Variants in FER1L6 observed in about 807,000 individuals in gnomAD.
FER1L6 encodes fer-1 like family member 6, also known as fer-1-like protein 6.
FER1L6 carries 177 observed loss-of-function variants against 219.2 expected under a neutral mutation model. That is an observed-to-expected ratio of 0.81 (90% CI 0.71 to 0.91). FER1L6 has a LOEUF of 0.91. Ranked by LOEUF, FER1L6 falls within the 40% of genes least tolerant of loss-of-function variation. The pLI is 0.00. For synonymous variants in FER1L6, 768 were observed against 824.3 expected, an observed-to-expected ratio of 0.93 and a Z score of 1.17; for missense variants, 2,153 against 2,259.9, an observed-to-expected ratio of 0.95 and a Z score of 0.96.
rs764708064 is a variant in FER1L6 at position 124,091,410 on chromosome 8, C to A, written c.4392-13C>A. ...GTGAGGACCTCAAAGTGTGTTCTCC[C>A]TCCACTTTTCAGAGAAGGATACAAT... On this transcript the variant is annotated splice_polypyrimidine_tract_variant and intron_variant, in intron 33 of 40. Transcript: ENST00000522917. 1 of 1,611,708 alleles carries A rather than the reference C, an allele frequency of 6.2e-7. No individual in the cohort carries two copies. The highest frequency in any genetic ancestry group is 1.1e-5 in the South Asian group (1 of 90,772).
chr8:124,076,505 C>T (rs957534001), intron 32 of FER1L6, among the ~76,000 whole-genome samples, 180 bp downstream of exon 32: 1 of 152,218 alleles, frequency 6.6e-6, no homozygotes, highest in Non-Finnish European at 1.5e-5. Flanking sequence ...GGGTTGAATT[C>T]TTTCATGGTC....
chr8:124,017,344 T>G (rs576088889), intron 15 of FER1L6, among the ~76,000 whole-genome samples: 3 of 152,082 alleles, frequency 2.0e-5, no homozygotes, highest in Admixed American at 2.0e-4. Context: ...ATTTTGTGGG[T>G]TTTGTTATGA....
chr8:123,963,717 C>G (rs1408289371), intron 3 of FER1L6, among the ~76,000 whole-genome samples: 2 of 152,190 alleles, frequency 1.3e-5, no homozygotes, highest in East Asian at 3.9e-4. Context: ...TTTGATTCAT[C>G]AAGGTGCTCA....
At chr8:124,045,711 G>C (rs930526617) in intron 20 of FER1L6, 56 bp from the exon 21 acceptor site, 63 of 1,588,910 alleles carry the variant, frequency 4.0e-5, no homozygotes, top group Non-Finnish European at 5.3e-5. Flanking sequence ...ATGAACCTTA[G>C]AGCCCCTATA....
intron 1 of FER1L6, among the ~76,000 whole-genome samples, chr8:123,864,654 A>C (rs901431125): frequency 6.7e-6 from 1 of 149,214 alleles, no homozygotes; most frequent in African/African-American, 2.6e-5. Context: ...ACATAGTCCC[A>C]TATTTCTTGG....
At chr8:123,972,419 G>T (rs1379452037) in intron 6 of FER1L6, among the ~76,000 whole-genome samples, 3 of 152,186 alleles carry the variant, frequency 2.0e-5, no homozygotes, top group African/African-American at 7.2e-5. Flanking sequence ...AACTGTCCTT[G>T]ACTTAAGGAA....
At chr8:124,075,001 T>G (rs913480269) in intron 31 of FER1L6, among the ~76,000 whole-genome samples, 5 of 152,184 alleles carry the variant, frequency 3.3e-5, no homozygotes, top group Non-Finnish European at 2.9e-5. Context: ...AGACTGGAAG[T>G]TGCTCTGGGT....
intron 22 of FER1L6, among the ~76,000 whole-genome samples, chr8:124,054,143 C>A (rs1026976194): frequency 3.3e-5 from 5 of 152,172 alleles, no homozygotes; most frequent in Non-Finnish European, 7.3e-5. Context: ...GTTACATTGG[C>A]CTCCCTGCTG....
chr8:124,089,186 A>G (rs1821913177), intron 33 of FER1L6, among the ~76,000 whole-genome samples: 1 of 152,196 alleles, frequency 6.6e-6, no homozygotes, highest in African/African-American at 2.4e-5. Context: ...AACAGCTGGG[A>G]TGGACAATTT....
At chr8:123,999,326 C>A (rs1817297909) in intron 12 of FER1L6, among the ~76,000 whole-genome samples, 1 of 152,188 alleles carries the variant, frequency 6.6e-6, no homozygotes, top group African/African-American at 2.4e-5. Context: ...CAGAGGGTTC[C>A]CTTCTGTTCC....
intron 33 of FER1L6, among the ~76,000 whole-genome samples, chr8:124,089,165 A>C (rs752651827): frequency 2.0e-5 from 3 of 152,122 alleles, no homozygotes; most frequent in Non-Finnish European, 2.9e-5. Context: ...CTGAAACTCA[A>C]CTCAGGTTCC....
Position 124,037,186 on chromosome 8 carries a change from G to T in FER1L6, c.2464+1732G>T, listed in dbSNP as rs148157765. On this transcript the variant is annotated intron_variant, in intron 19 of 40. Transcript: ENST00000522917. ...GCTCCCTGGTGTTGTGCAGTGCACA[G>T]CTTGTGTGGCTGCCATTGGGAGGTC... Among the ~76,000 whole-genome samples, 79 of 152,354 alleles carry T rather than the reference G, an allele frequency of 5.2e-4. No individual in the cohort carries two copies. In the Middle Eastern group the frequency reaches 0.014, roughly 26 times the overall value.
At chr8:123,854,598 A>G (rs930678371) in intron 1 of FER1L6, among the ~76,000 whole-genome samples, 4 of 152,208 alleles carry the variant, frequency 2.6e-5, no homozygotes, top group African/African-American at 9.7e-5. Flanking sequence ...TGAATAGAAC[A>G]GGGGACCGAA....
chr8:124,066,607 T>C (rs879357824), intron 27 of FER1L6, 57 bp downstream of exon 27: 26 of 1,589,372 alleles, frequency 1.6e-5, no homozygotes, highest in Non-Finnish European at 2.1e-5. Context: ...CACAGCACCT[T>C]CTCCTACCCT....
rs553269498 is a variant in FER1L6 at position 123,880,637 on chromosome 8, C to T, written c.-8+28452C>T. Reference sequence around the variant, plus strand: ...TGGTTTCTATTACTTCAGCCCACGTCCCCAACCTTGCGGCACTCAGCTACA... The same window carrying T: ...TGGTTTCTATTACTTCAGCCCACGTTCCCAACCTTGCGGCACTCAGCTACA... On this transcript the variant is annotated intron_variant, in intron 1 of 40. Coordinates refer to ENST00000522917, the MANE Select transcript of FER1L6 (RefSeq NM_001039112.2). Among the ~76,000 whole-genome samples, 11 of 152,274 alleles carry T rather than the reference C, an allele frequency of 7.2e-5. 1 individual carries two copies. The East Asian group carries it at 2.1e-3, about 29-fold the overall frequency.
At chr8:123,891,083 A>C (rs138984599) in intron 1 of FER1L6, among the ~76,000 whole-genome samples, 1 of 152,154 alleles carries the variant, frequency 6.6e-6, no homozygotes, top group African/African-American at 2.4e-5. Context: ...AGTGATATTC[A>C]CTTGGATTAA....
chr8:124,070,748 C>T lies in FER1L6; in HGVS notation c.3966+150C>T, dbSNP rs559337335. ...GTCCCTCTCTAGAACTCCACAAAACCTAGCCCCAGTCTTTTAAGATATTTT... is the reference window on the plus strand; with the variant it reads ...GTCCCTCTCTAGAACTCCACAAAACTTAGCCCCAGTCTTTTAAGATATTTT... On this transcript the variant is annotated intron_variant, in intron 30 of 40. Coordinates refer to ENST00000522917, the MANE Select transcript of FER1L6 (RefSeq NM_001039112.2). 1,359 of 628,040 alleles carry T rather than the reference C, an allele frequency of 2.2e-3. 4 individuals carry two copies. Among genetic ancestry groups the T allele is most frequent in the Non-Finnish European group, 3.0e-3 (1,202 of 402,340 alleles). 38.9% of individuals were successfully genotyped at this position (628,040 alleles called of 1,614,324 possible).
In FER1L6 at chr8:124,060,604, G is replaced by A. The variant is rs761072239; in HGVS notation, c.3042G>A (p.Arg1014=). ...MKKVQLLSVD[R]PQALIECGGQ... is the part of the protein sequence containing the mutation. ...AGGTGCAGCTCCTCTCTGTGGATCG[G>A]CCTCAGGCTCTCATTGAGTGCGGAG... Residue 1014 remains arginine (R), a synonymous_variant, in exon 24 of 41, where the codon CGG becomes CGA. Transcript: ENST00000522917. 39 of 1,613,978 alleles carry A rather than the reference G, an allele frequency of 2.4e-5. No individual in the cohort carries two copies. The highest frequency in any genetic ancestry group is 3.3e-5 in the Non-Finnish European group (39 of 1,180,008).
At chr8:124,090,876 G>A (rs1411399320) in intron 33 of FER1L6, among the ~76,000 whole-genome samples, 1 of 152,212 alleles carries the variant, frequency 6.6e-6, no homozygotes, top group Non-Finnish European at 1.5e-5. Flanking sequence ...GGACGAAGCA[G>A]AGACCTTGAA....
Sources: gnomAD v4.1 joint callset for allele counts (sites outside exome capture counted in the v4.1 genomes callset) on GRCh38, gnomAD v4.1.1 for gene constraint, MANE v1.5 for transcripts, NCBI Gene and HGNC (gene_info 2026-07-23, HGNC 2026-07-21) for gene names.